Variants in RFX7 observed in about 807,000 individuals in gnomAD.
The protein encoded by RFX7 is DNA-binding protein RFX7.
In RFX7, 26 loss-of-function variants were observed where a neutral mutation model predicts 111.8. That is an observed-to-expected ratio of 0.23 (90% CI 0.17 to 0.32). The LOEUF (loss-of-function observed/expected upper bound fraction) is 0.32. Among genes scored for constraint, RFX7 ranks in the 10% least tolerant of loss-of-function variants. RFX7 has a pLI of 1.00. For synonymous variants in RFX7, 624 were observed against 624.4 expected, an observed-to-expected ratio of 1.00 and a Z score of 0.01; for missense variants, 1,573 against 1,772.9, an observed-to-expected ratio of 0.89 and a Z score of 2.02.
chr15:56,243,042 TCCCCCCGCCCGCCG>T, intron 2 of RFX7, 69 bp downstream of exon 2: 2 of 543,100 alleles, frequency 3.7e-6, no homozygotes, highest in Non-Finnish European at 6.7e-6. Flanking sequence ...CCTCCTCCGC[TCCCCCCGCCCGCCG>T]CCCCCCACCC....
chr15:56,197,416 T>A (rs1237196636), intron 2 of RFX7, among the ~76,000 whole-genome samples: 1 of 152,206 alleles, frequency 6.6e-6, no homozygotes, highest in Non-Finnish European at 1.5e-5. Context: ...TTTAAAAATC[T>A]TCCTTACCGT....
intron 3 of RFX7, among the ~76,000 whole-genome samples, chr15:56,158,283 G>A (rs1457933136): frequency 6.6e-6 from 1 of 152,058 alleles, no homozygotes; most frequent in East Asian, 1.9e-4. Context: ...TTTAAGCTGA[G>A]TATCAATTTC....
Position 56,095,944 on chromosome 15 carries a change from A to T in RFX7, c.1784T>A (p.Val595Asp), listed in dbSNP as rs2041670378. 6.2e-7 allele frequency: 1 copy of T among 1,607,458 alleles called. No homozygotes were observed. Among genetic ancestry groups the T allele is most frequent in the East Asian group, 2.2e-5 (1 of 44,858 alleles). Residue 595 changes from valine to aspartate, a missense_variant, in exon 10 of 10, where the codon GTC (valine) becomes GAC (aspartate). Transcript: ENST00000559447. ...EGVIEIKATKVCDQRTKCKSR... is the reference protein window; with the variant it reads ...EGVIEIKATKDCDQRTKCKSR... ...TTTACATTTGGTCCTCTGGTCACAG[A>T]CCTTAGTTGCTTTTATTTCAATGAC...
chr15:56,204,777 A>G (rs2043233966), intron 2 of RFX7, among the ~76,000 whole-genome samples: 1 of 152,192 alleles, frequency 6.6e-6, no homozygotes, highest in Non-Finnish European at 1.5e-5. Context: ...TTATGCTCTT[A>G]AGACCAAAAA....
In RFX7 at chr15:56,099,481, A is replaced by T. The variant is rs548299229; in HGVS notation, c.812-1105T>A. Among the ~76,000 whole-genome samples, 50 of 152,170 alleles carry T rather than the reference A, an allele frequency of 3.3e-4. No homozygotes were observed. In the East Asian group the frequency reaches 5.0e-3, roughly 15 times the overall value. The stretch of plus-strand genomic sequence containing the variant: ...CAAGCCTCAGCTCTGGCTTCTCAGC[A>T]CCTGCACTCTGGAGAGCCTCTGCCA... On this transcript the variant is annotated intron_variant, in intron 8 of 9. Coordinates refer to ENST00000559447, the MANE Select transcript of RFX7 (RefSeq NM_022841.7).
intron 2 of RFX7, among the ~76,000 whole-genome samples, chr15:56,206,032 T>A (rs1477337665): frequency 2.6e-5 from 4 of 152,144 alleles, no homozygotes; most frequent in Non-Finnish European, 5.9e-5. Flanking sequence ...AACAGTATGG[T>A]GGTTCATCAA....
chr15:56,142,716 G>T (rs1860625145), intron 5 of RFX7, 62 bp downstream of exon 5: 4 of 1,441,272 alleles, frequency 2.8e-6, no homozygotes, highest in Non-Finnish European at 3.8e-6. Flanking sequence ...AAATCACTAT[G>T]GCCAAGTATA....
intron 2 of RFX7, chr15:56,193,130 A>C (rs2141166560): frequency 4.2e-6 from 1 of 236,350 alleles, no homozygotes; most frequent in Non-Finnish European, 9.4e-6. Flanking sequence ...GTCTAGCAAC[A>C]CTACTGTGTG....
chr15:56,143,308 CACAT>C (rs1311799768), intron 4 of RFX7, among the ~76,000 whole-genome samples: 2 of 151,202 alleles, frequency 1.3e-5, no homozygotes, highest in Admixed American at 1.3e-4. Context: ...TATATATACA[CACAT>C]ATATATATAC....
intron 3 of RFX7, among the ~76,000 whole-genome samples, chr15:56,173,231 TA>T (rs72523470): frequency 0.13 from 19,806 of 152,108 alleles, 1,692 homozygotes; most frequent in East Asian, 0.44. Context: ...TATATGTAGA[TA>T]AAAACTCCAA....
chr15:56,206,981 C>A (rs1421860377), intron 2 of RFX7, among the ~76,000 whole-genome samples: 1 of 151,884 alleles, frequency 6.6e-6, no homozygotes, highest in Non-Finnish European at 1.5e-5. Context: ...AATAACTGAA[C>A]ATTTAAAAAT....
intron 3 of RFX7, among the ~76,000 whole-genome samples, chr15:56,148,212 C>T (rs1321840534): frequency 2.0e-5 from 3 of 152,180 alleles, no homozygotes; most frequent in African/African-American, 7.2e-5. Flanking sequence ...ATGTCAAACA[C>T]ATTCCAGGAA....
intron 5 of RFX7, among the ~76,000 whole-genome samples, chr15:56,122,346 C>G (rs1399939983): frequency 1.3e-5 from 2 of 152,172 alleles, no homozygotes; most frequent in Non-Finnish European, 1.5e-5. Flanking sequence ...TGCAGAGATT[C>G]TTGTTCTCTT....
intron 6 of RFX7, among the ~76,000 whole-genome samples, chr15:56,102,575 C>A (rs549661029): frequency 6.6e-6 from 1 of 152,256 alleles, no homozygotes; most frequent in Non-Finnish European, 1.5e-5. Flanking sequence ...AAGGAATAGC[C>A]AGATGGAAAC....
At chr15:56,148,641 G>A (rs982092019) in intron 3 of RFX7, among the ~76,000 whole-genome samples, 4 of 152,156 alleles carry the variant, frequency 2.6e-5, no homozygotes, top group Admixed American at 6.5e-5. Flanking sequence ...TGAGGTGCAA[G>A]TGTAGAGGTG....
At chr15:56,126,545 G>A (rs1056525765) in intron 5 of RFX7, among the ~76,000 whole-genome samples, 3 of 152,148 alleles carry the variant, frequency 2.0e-5, no homozygotes, top group Admixed American at 6.5e-5. Flanking sequence ...AATGGCAAAT[G>A]TAAACCTTAC....
rs777433315 is a variant in RFX7 at position 56,095,679 on chromosome 15, A to G, written c.2049T>C (p.Ala683=). 16 of 1,613,958 alleles carry G rather than the reference A, an allele frequency of 9.9e-6. No homozygotes were observed. The highest frequency in any genetic ancestry group is 3.3e-4 in the Middle Eastern group (2 of 6,062). The change falls in exon 10 of 10, where the codon GCT becomes GCC. Residue 683 remains alanine (A), a synonymous_variant. Coordinates refer to ENST00000559447, the MANE Select transcript of RFX7 (RefSeq NM_022841.7). ...TGCCTTGTTTCTGCCCTTCTATGGT[A>G]GCTGCTGAAAGCTGTTCCACAATTG... The part of the protein sequence containing the change: ...KKPIVEQLSA[A]TIEGQKQGSV...
intron 2 of RFX7, among the ~76,000 whole-genome samples, chr15:56,215,641 T>C (rs2043356461): frequency 6.6e-6 from 1 of 152,242 alleles, no homozygotes; most frequent in Admixed American, 6.5e-5. Flanking sequence ...AGTGGGATAG[T>C]AAAATTAAAG....
intron 5 of RFX7, among the ~76,000 whole-genome samples, chr15:56,136,639 A>C (rs1303955597): frequency 1.3e-5 from 2 of 152,008 alleles, no homozygotes; most frequent in Non-Finnish European, 2.9e-5. Context: ...CCTGGCCAGC[A>C]CTTCCAACAC....
Sources: allele counts gnomAD v4.1 joint callset (sites outside exome capture counted in the v4.1 genomes callset), GRCh38; gene constraint gnomAD v4.1.1; transcripts MANE v1.5; gene names NCBI Gene and HGNC (gene_info 2026-07-23, HGNC 2026-07-21).